The following MARCHF1 variants were observed in gnomAD, a reference collection of about 807,000 sequenced individuals.
MARCHF1 encodes the protein E3 ubiquitin-protein ligase MARCHF1.
A neutral mutation model predicts 54.2 loss-of-function variants in MARCHF1; 40 were observed. That is an observed-to-expected ratio of 0.74 (90% confidence interval 0.57 to 0.96). The LOEUF is 0.96. Ranked by LOEUF, MARCHF1 falls within the 40% of genes least tolerant of loss-of-function variation. MARCHF1 has a pLI of 0.00. For synonymous variants in MARCHF1, 236 were observed against 236.3 expected (o/e 1.00, Z 0.01); for missense variants, 586 against 656.5 (o/e 0.89, Z 1.17).
intron 5 of MARCHF1, among the ~76,000 whole-genome samples, chr4:163,618,937 GA>G (rs1741594637): frequency 6.6e-6 from 1 of 151,682 alleles, no homozygotes; most frequent in Admixed American, 6.6e-5. Context: ...CAGCTTCCCA[GA>G]GAAGGAGACG....
chr4:163,749,851 G>A (rs577768057), intron 4 of MARCHF1, among the ~76,000 whole-genome samples: 1 of 151,960 alleles, frequency 6.6e-6, no homozygotes, highest in South Asian at 2.1e-4. Context: ...CATTTGAAGT[G>A]AGGAGTTTGA....
Position 163,786,124 on chromosome 4 carries a change from C to G in MARCHF1, c.111+67897G>C, listed in dbSNP as rs139911432. Among the ~76,000 whole-genome samples, 1,146 of 152,030 alleles carry G rather than the reference C, an allele frequency of 7.5e-3. 16 individuals carry two copies. The highest frequency in any genetic ancestry group is 0.026 in the African/African-American group (1,088 of 41,520). On this transcript the variant is annotated intron_variant, in intron 4 of 9. Transcript: ENST00000514618. Reference sequence around the variant, plus strand: ...AGAAGGAATTCAGTCCTTCGGACACCTTGATATTAGGACTCCTGACCTCCA... The same window carrying G: ...AGAAGGAATTCAGTCCTTCGGACACGTTGATATTAGGACTCCTGACCTCCA...
intron 3 of MARCHF1, among the ~76,000 whole-genome samples, chr4:163,911,717 T>C (rs563830847): frequency 4.6e-5 from 7 of 152,272 alleles, no homozygotes; most frequent in Admixed American, 3.3e-4. Context: ...CGATGTCATA[T>C]GGGTGTCATA....
chr4:164,001,942 A>G (rs57802964), intron 2 of MARCHF1, among the ~76,000 whole-genome samples: 55 of 152,010 alleles, frequency 3.6e-4, no homozygotes, highest in African/African-American at 1.2e-3. Flanking sequence ...ACAGACTTCA[A>G]GTTTTAGCAA....
intron 4 of MARCHF1, among the ~76,000 whole-genome samples, chr4:163,727,869 T>C (rs1048685904): frequency 2.0e-5 from 3 of 152,002 alleles, no homozygotes; most frequent in Non-Finnish European, 4.4e-5. Context: ...TAATTTTATA[T>C]AGAGATAAGG....
chr4:164,258,391 T>TAATAATAATAATAATA (rs1733354891), intron 1 of MARCHF1, among the ~76,000 whole-genome samples: 1 of 145,940 alleles, frequency 6.9e-6, no homozygotes, highest in African/African-American at 2.6e-5. Context: ...GAACTTAAAG[T>TAATAATAATAATAATA]ATAATAATAA....
chr4:163,943,937 C>A (rs1490952950), intron 3 of MARCHF1, among the ~76,000 whole-genome samples: 1 of 151,774 alleles, frequency 6.6e-6, no homozygotes, highest in African/African-American at 2.4e-5. Context: ...CATTTACTGA[C>A]TCAGGATGGT....
intron 2 of MARCHF1, among the ~76,000 whole-genome samples, chr4:164,045,072 GA>G (rs1006264251): frequency 2.1e-4 from 31 of 151,152 alleles, no homozygotes; most frequent in Non-Finnish European, 3.8e-4. Flanking sequence ...CTATACACTA[GA>G]AAAAAATCAA....
intron 1 of MARCHF1, among the ~76,000 whole-genome samples, chr4:164,370,388 A>G (rs1430549345): frequency 6.6e-6 from 1 of 152,174 alleles, no homozygotes; most frequent in African/African-American, 2.4e-5. Context: ...AGCGGTGGCC[A>G]TCATTGTATG....
chr4:163,564,478 CT>C (rs532661339), intron 8 of MARCHF1, among the ~76,000 whole-genome samples: 8 of 152,146 alleles, frequency 5.3e-5, no homozygotes, highest in Non-Finnish European at 1.0e-4. Flanking sequence ...CATACAGAAA[CT>C]TTATTTAAGG....
intron 9 of MARCHF1, among the ~76,000 whole-genome samples, chr4:163,541,184 G>A (rs999507767): frequency 6.6e-6 from 1 of 152,334 alleles, no homozygotes; most frequent in Middle Eastern, 3.4e-3. Context: ...CTAACACCAA[G>A]TATTTTCTGA....
intron 1 of MARCHF1, among the ~76,000 whole-genome samples, chr4:164,169,365 T>C (rs985097594): frequency 7.2e-5 from 11 of 152,070 alleles, no homozygotes; most frequent in Non-Finnish European, 1.6e-4. Flanking sequence ...GTAGGCATGT[T>C]AGGTGAGCTT....
intron 1 of MARCHF1, among the ~76,000 whole-genome samples, chr4:164,274,646 G>A (rs1733825452): frequency 8.0e-6 from 1 of 124,844 alleles, no homozygotes; most frequent in South Asian, 2.6e-4. Flanking sequence ...CTTGATGTGT[G>A]CTTCAGGGTA....
chr4:163,713,537 A>G (rs1469381531), intron 4 of MARCHF1, among the ~76,000 whole-genome samples: 2 of 152,220 alleles, frequency 1.3e-5, no homozygotes, highest in Admixed American at 1.3e-4. Context: ...AATGTGCTAC[A>G]CAAATGGTAG....
At chr4:164,312,616 C>T (rs1029958543) in intron 1 of MARCHF1, among the ~76,000 whole-genome samples, 1 of 151,982 alleles carries the variant, frequency 6.6e-6, no homozygotes, top group Non-Finnish European at 1.5e-5. Context: ...CCACCGCACC[C>T]GGCCGAATTA....
chr4:163,826,925 AC>A (rs1748867750), intron 4 of MARCHF1, among the ~76,000 whole-genome samples: 1 of 152,050 alleles, frequency 6.6e-6, no homozygotes, highest in African/African-American at 2.4e-5. Context: ...AAATGACAAT[AC>A]TGAGGTATTT....
chr4:164,073,310 G>A (rs533398160), intron 2 of MARCHF1, among the ~76,000 whole-genome samples: 2 of 152,146 alleles, frequency 1.3e-5, no homozygotes, highest in African/African-American at 4.8e-5. Context: ...GGAATACTAT[G>A]CAGCCATAAA....
chr4:164,003,909 G>A (rs772307291), intron 2 of MARCHF1, among the ~76,000 whole-genome samples: 1 of 152,056 alleles, frequency 6.6e-6, no homozygotes, highest in Non-Finnish European at 1.5e-5. Context: ...ATGATAGACT[G>A]GATGAAGAAA....
chr4:164,009,640 T>C (rs541109002), intron 2 of MARCHF1, among the ~76,000 whole-genome samples: 6 of 152,154 alleles, frequency 3.9e-5, no homozygotes, highest in Non-Finnish European at 8.8e-5. Context: ...GTTTAACTTA[T>C]ACAAATCCAT....
Sources: allele counts gnomAD v4.1 joint callset (sites outside exome capture counted in the v4.1 genomes callset), GRCh38; gene constraint gnomAD v4.1.1; transcripts MANE v1.5; gene names NCBI Gene and HGNC (gene_info 2026-07-23, HGNC 2026-07-21).